The following ZNF385D variants were observed in gnomAD, a reference collection of about 807,000 sequenced individuals.
ZNF385D encodes zinc finger protein 385D, also known as zinc finger protein 659.
Under a neutral mutation model 35.8 loss-of-function variants are expected in ZNF385D, and 15 were observed. The observed-to-expected ratio is 0.42, with a 90% CI of 0.28 to 0.64. The LOEUF is 0.64. Ranked by LOEUF, ZNF385D falls within the 30% of genes least tolerant of loss-of-function variation. ZNF385D has a pLI of 0.23. For missense variants in ZNF385D, 474 were observed against 494.6 expected, an observed-to-expected ratio of 0.96 and a Z score of 0.39; for synonymous variants, 212 against 186.8, an observed-to-expected ratio of 1.13 and a Z score of -1.10.
intron 3 of ZNF385D, among the ~76,000 whole-genome samples, chr3:22,146,909 T>C (rs1467850805): frequency 6.6e-6 from 1 of 152,180 alleles, no homozygotes; most frequent in African/African-American, 2.4e-5. Flanking sequence ...TTGTTTTGTC[T>C]CGTTTTTACA....
At chr3:22,308,163 A>G (rs919440211) in intron 2 of ZNF385D, among the ~76,000 whole-genome samples, 3 of 152,092 alleles carry the variant, frequency 2.0e-5, no homozygotes, top group Admixed American at 1.3e-4. Context: ...TATTTAAAGC[A>G]CAAAGACAAT....
intron 1 of ZNF385D, among the ~76,000 whole-genome samples, chr3:21,707,515 T>C (rs984179548): frequency 5.3e-5 from 8 of 152,184 alleles, no homozygotes; most frequent in Non-Finnish European, 7.4e-5. Flanking sequence ...TGAGTGCTTC[T>C]TTGTTAGAAT....
rs1699170392 is a variant in ZNF385D, at chr3:22,048,827, A to G, written c.325+119990T>C. ...AGTGATTGCATGGAATTAGTAGATC[A>G]CTTTGGATAGTACGGACAATAATAA... On this transcript the variant is annotated intron_variant, in intron 3 of 5. Transcript: ENST00000494108. 2.6e-5 allele frequency among the ~76,000 whole-genome samples: 4 copies of G among 152,204 alleles called. No homozygotes were observed. In the South Asian group the frequency reaches 8.3e-4, roughly 32 times the overall value.
At position 22,261,425 on chromosome 3, in the gene ZNF385D, A is replaced by C. The variant is rs184958304; in HGVS notation, c.107-92390T>G. On this transcript the variant is annotated intron_variant, in intron 2 of 5. Transcript: ENST00000494108. ...TTGGTAAGGCTAGTAAATAATCATT[A>C]AAGCTAATTTCACAGGAATAAAAGT... 9.2e-4 allele frequency among the ~76,000 whole-genome samples: 140 copies of C among 152,174 alleles called. 1 individual carries two copies. The highest frequency in any genetic ancestry group is 2.9e-3 in the African/African-American group (119 of 41,560).
rs537806057 is a variant in ZNF385D, at chr3:22,248,660, A to G, written c.107-79625T>C. Among the ~76,000 whole-genome samples, 61 of 152,222 alleles carry G rather than the reference A, an allele frequency of 4.0e-4. 1 individual carries two copies. Among genetic ancestry groups the G allele is most frequent in the Non-Finnish European group, 5.6e-4 (38 of 68,014 alleles). ...TCAACCTCTCTTAATCTCTTCTTCCATAACTCTACAGGGGAAATTAATTCC... is the reference window on the plus strand; with the variant it reads ...TCAACCTCTCTTAATCTCTTCTTCCGTAACTCTACAGGGGAAATTAATTCC... On this transcript the variant is annotated intron_variant, in intron 2 of 5. Transcript: ENST00000494108.
intron 3 of ZNF385D, among the ~76,000 whole-genome samples, chr3:21,943,509 A>G (rs1429572435): frequency 6.6e-6 from 1 of 151,950 alleles, no homozygotes; most frequent in African/African-American, 2.4e-5. Context: ...AGTATATTTC[A>G]TCAATATTTT....
intron 3 of ZNF385D, among the ~76,000 whole-genome samples, chr3:22,121,621 C>T (rs2125666244): frequency 6.6e-6 from 1 of 151,706 alleles, no homozygotes; most frequent in South Asian, 2.1e-4. Context: ...ACCTACTGGT[C>T]CTCATGTTCC....
chr3:21,757,120 C>CTTTTTTTTTTTTTTTTTTTT lies in ZNF385D; in HGVS notation c.326-92093_326-92092insAAAAAAAAAAAAAAAAAAAA, dbSNP rs61226426. 9.5e-4 allele frequency among the ~76,000 whole-genome samples: 101 copies of CTTTTTTTTTTTTTTTTTTTT among 106,400 alleles called. 2 individuals carry two copies. Among genetic ancestry groups the CTTTTTTTTTTTTTTTTTTTT allele is most frequent in the African/African-American group, 1.3e-3 (37 of 27,904 alleles). The allele number at this position is 106,400 out of a possible 152,430, so 69.8% of individuals were successfully genotyped here. A position where few individuals can be genotyped will look rare whatever the true frequency, so the allele number is the denominator to read the frequency against. On this transcript the variant is annotated intron_variant, in intron 3 of 5. Coordinates refer to the ZNF385D transcript ENST00000494108. ...CTTTGGAGACATATGATAAATTTCT[C>CTTTTTTTTTTTTTTTTTTTT]TTTTTTTTTTTTTTTTTTTGTTTTC...
intron 3 of ZNF385D, among the ~76,000 whole-genome samples, chr3:22,029,674 G>A (rs888995223): frequency 5.9e-5 from 9 of 152,142 alleles, no homozygotes; most frequent in African/African-American, 1.7e-4. Flanking sequence ...CACGTGACAT[G>A]AGATTTTTTG....
At chr3:21,633,640 A>T (rs1414911186) in intron 2 of ZNF385D, among the ~76,000 whole-genome samples, 3 of 152,096 alleles carry the variant, frequency 2.0e-5, no homozygotes, top group African/African-American at 4.8e-5. Flanking sequence ...GAAATATCAG[A>T]TAGTATTTTA....
intron 2 of ZNF385D, among the ~76,000 whole-genome samples, chr3:21,586,721 T>G (rs2063821688): frequency 6.7e-6 from 1 of 150,198 alleles, no homozygotes; most frequent in Non-Finnish European, 1.5e-5. Flanking sequence ...CGCTGCAGAG[T>G]TTTGTTCAAG....
At chr3:22,164,601 A>G (rs1418870896) in intron 3 of ZNF385D, among the ~76,000 whole-genome samples, 1 of 144,628 alleles carries the variant, frequency 6.9e-6, no homozygotes, top group Non-Finnish European at 1.5e-5. Context: ...CAATTTGCCC[A>G]AAGGGACTTT....
chr3:22,119,406 A>G (rs1270611804), intron 3 of ZNF385D, among the ~76,000 whole-genome samples: 1 of 152,186 alleles, frequency 6.6e-6, no homozygotes, highest in Non-Finnish European at 1.5e-5. Context: ...TTTTAATCTT[A>G]AAATGTTATA....
At chr3:22,174,076 A>G (rs12634073) in intron 2 of ZNF385D, among the ~76,000 whole-genome samples, 20,696 of 151,988 alleles carry the variant, frequency 0.14, 1,507 homozygotes, top group East Asian at 0.25. Flanking sequence ...CAACCATCAC[A>G]TAATTAACAA....
chr3:22,231,287 G>A (rs150977064), intron 2 of ZNF385D, among the ~76,000 whole-genome samples: 1 of 152,130 alleles, frequency 6.6e-6, no homozygotes, highest in African/African-American at 2.4e-5. Context: ...CTGGCCCTGA[G>A]CCAGAATCAG....
intron 2 of ZNF385D, among the ~76,000 whole-genome samples, chr3:22,263,823 G>A (rs533987052): frequency 6.6e-6 from 1 of 151,936 alleles, no homozygotes; most frequent in Non-Finnish European, 1.5e-5. Flanking sequence ...CATCTAGTGG[G>A]TATTACTAGG....
Position 21,569,451 on chromosome 3 carries a change from T to C in ZNF385D, c.166-4767A>G, listed in dbSNP as rs866641042. Among the ~76,000 whole-genome samples the C allele has an allele frequency of 7.3e-5, 11 of 151,118 alleles. 1 individual carries two copies. The highest frequency in any genetic ancestry group is 2.7e-4 in the African/African-American group (11 of 40,714). ...TCCATGCTTTTATTTTGAGCCTATGTGTGTCTCTGCATGTGAGATGGGTTT... is the reference window on the plus strand; with the variant it reads ...TCCATGCTTTTATTTTGAGCCTATGCGTGTCTCTGCATGTGAGATGGGTTT... On this transcript the variant is annotated intron_variant, in intron 2 of 7. Transcript: ENST00000281523.
intron 3 of ZNF385D, among the ~76,000 whole-genome samples, chr3:21,848,384 T>C (rs1481312665): frequency 2.6e-5 from 4 of 151,676 alleles, no homozygotes; most frequent in African/African-American, 9.7e-5. Flanking sequence ...TTCTGGAGTA[T>C]GTGGTAGGAA....
chr3:21,650,823 G>C (rs1319184383), intron 2 of ZNF385D, among the ~76,000 whole-genome samples: 2 of 152,118 alleles, frequency 1.3e-5, no homozygotes, highest in Non-Finnish European at 2.9e-5. Flanking sequence ...GCCTTAAATA[G>C]AGTGGAAGTT....
Sources: allele counts gnomAD v4.1 joint callset (sites outside exome capture counted in the v4.1 genomes callset), GRCh38; gene constraint gnomAD v4.1.1; transcripts MANE v1.5; gene names NCBI Gene and HGNC (gene_info 2026-07-23, HGNC 2026-07-21).